Variants in ZNF385D observed in about 807,000 individuals in gnomAD.
ZNF385D encodes zinc finger protein 659.
ZNF385D carries 15 observed loss-of-function variants against 35.8 expected under a neutral mutation model. The ratio of observed to expected loss-of-function variants is 0.42; its 90% CI spans 0.28 to 0.64. The LOEUF is 0.64. Among genes scored for constraint, ZNF385D ranks in the 30% least tolerant of loss-of-function variants. The pLI, the probability that ZNF385D is intolerant of heterozygous loss-of-function variation, is 0.23. For missense variants in ZNF385D, 474 were observed against 494.6 expected (o/e 0.96, Z 0.39); for synonymous variants, 212 against 186.8 (o/e 1.13, Z -1.10).
chr3:22,230,061 T>C lies in ZNF385D; in HGVS notation c.107-61026A>G, dbSNP rs77559985. On this transcript the variant is annotated intron_variant, in intron 2 of 5. Coordinates refer to the ZNF385D transcript ENST00000494108. ...ATCTTGATAGACTTAGATAATCTTC[T>C]GTGCCCAGTAAAAATCCTTGTTAGT... Among the ~76,000 whole-genome samples, 810 of 152,300 alleles carry C rather than the reference T, an allele frequency of 5.3e-3. 5 individuals carry two copies. The highest frequency in any genetic ancestry group is 0.018 in the African/African-American group (763 of 41,564).
chr3:21,658,346 G>T (rs2066134896), intron 2 of ZNF385D, among the ~76,000 whole-genome samples: 1 of 151,968 alleles, frequency 6.6e-6, no homozygotes, highest in South Asian at 2.1e-4. Context: ...GCAAATTAAG[G>T]AGATGACTCG....
At chr3:21,985,818 A>G (rs796811200) in intron 3 of ZNF385D, among the ~76,000 whole-genome samples, 15 of 109,604 alleles carry the variant, frequency 1.4e-4, no homozygotes, top group South Asian at 3.5e-4. Flanking sequence ...TGGTTGGTAA[A>G]CTATTGATTA....
intron 2 of ZNF385D, among the ~76,000 whole-genome samples, chr3:21,653,303 T>C (rs1335863311): frequency 6.6e-6 from 1 of 152,124 alleles, no homozygotes; most frequent in African/African-American, 2.4e-5. Flanking sequence ...TATATATATG[T>C]CTATATATGT....
intron 1 of ZNF385D, among the ~76,000 whole-genome samples, chr3:21,693,437 C>G (rs2067349885): frequency 6.6e-6 from 1 of 152,162 alleles, no homozygotes; most frequent in Non-Finnish European, 1.5e-5. Flanking sequence ...GAAACACTTA[C>G]AGTATAGACC....
intron 3 of ZNF385D, among the ~76,000 whole-genome samples, chr3:22,084,111 C>G (rs1313214383): frequency 6.6e-6 from 1 of 152,196 alleles, no homozygotes; most frequent in Non-Finnish European, 1.5e-5. Context: ...ACAACCAGTA[C>G]CAGCCACTGC....
At chr3:22,252,422 G>C (rs1700108933) in intron 2 of ZNF385D, among the ~76,000 whole-genome samples, 1 of 152,066 alleles carries the variant, frequency 6.6e-6, no homozygotes, top group African/African-American at 2.4e-5. Context: ...CTTCTGATAA[G>C]TTACAGTCTT....
At chr3:21,562,139 A>C (rs1223791622) in intron 3 of ZNF385D, 1 of 152,172 alleles carries the variant, frequency 6.6e-6, no homozygotes, top group Admixed American at 6.6e-5. Context: ...TGTCCCTAAT[A>C]AATACATATT....
chr3:21,722,760 C>T lies in ZNF385D; in HGVS notation c.22+28135G>A, dbSNP rs558000194. Among the ~76,000 whole-genome samples, 221 of 152,278 alleles carry T rather than the reference C, an allele frequency of 1.5e-3. 1 individual carries two copies. The highest frequency in any genetic ancestry group is 2.5e-3 in the Non-Finnish European group (169 of 68,030). On this transcript the variant is annotated intron_variant, in intron 1 of 7. Transcript: ENST00000281523. ...CCATGTTTCAAACCAATTTTGAAGC[C>T]TGCTGGCACCAAACAAAGGTCCTAG...
chr3:21,722,054 C>A (rs1428347414), intron 1 of ZNF385D, among the ~76,000 whole-genome samples: 1 of 145,808 alleles, frequency 6.9e-6, no homozygotes, highest in Non-Finnish European at 1.5e-5. Context: ...GAGCCAAGAT[C>A]GTGCCACTGC....
chr3:22,204,482 C>G (rs1013212122), intron 2 of ZNF385D, among the ~76,000 whole-genome samples: 12 of 151,888 alleles, frequency 7.9e-5, no homozygotes, highest in African/African-American at 2.7e-4. Flanking sequence ...TCAAGAGCAT[C>G]GAGAAAAACA....
intron 3 of ZNF385D, among the ~76,000 whole-genome samples, chr3:22,131,012 G>A (rs553575781): frequency 6.6e-6 from 1 of 152,234 alleles, no homozygotes; most frequent in East Asian, 1.9e-4. Flanking sequence ...TGAGAATCAT[G>A]CATGCTTAGA....
chr3:21,946,023 C>T (rs1701765157), intron 3 of ZNF385D, among the ~76,000 whole-genome samples: 2 of 152,130 alleles, frequency 1.3e-5, no homozygotes, highest in Admixed American at 1.3e-4. Context: ...ATGCAGTGTG[C>T]ATATTCACAT....
At chr3:22,154,586 G>A (rs908251999) in intron 3 of ZNF385D, among the ~76,000 whole-genome samples, 9 of 152,156 alleles carry the variant, frequency 5.9e-5, no homozygotes, top group Admixed American at 1.3e-4. Flanking sequence ...AGTCCTAAAT[G>A]AGGTATGAGC....
chr3:22,027,703 G>C (rs964001239), intron 3 of ZNF385D, among the ~76,000 whole-genome samples: 1 of 152,130 alleles, frequency 6.6e-6, no homozygotes, highest in Non-Finnish European at 1.5e-5. Context: ...TCATCAAATA[G>C]AAGTGGTATA....
chr3:22,313,814 C>T (rs1472044602), intron 2 of ZNF385D, among the ~76,000 whole-genome samples: 1 of 152,164 alleles, frequency 6.6e-6, no homozygotes, highest in Non-Finnish European at 1.5e-5. Context: ...TCCTTCATAA[C>T]TAAAAACTCC....
At chr3:22,300,527 T>A (rs1414012854) in intron 2 of ZNF385D, among the ~76,000 whole-genome samples, 1 of 151,886 alleles carries the variant, frequency 6.6e-6, no homozygotes, top group Non-Finnish European at 1.5e-5. Flanking sequence ...CAGAATAATC[T>A]GCAAACTATT....
intron 3 of ZNF385D, among the ~76,000 whole-genome samples, chr3:21,832,623 A>G (rs930002546): frequency 6.6e-6 from 1 of 152,182 alleles, no homozygotes; most frequent in Admixed American, 6.5e-5. Flanking sequence ...TGAAATTTGC[A>G]TTATTCAACT....
chr3:22,100,321 TCC>T (rs1389141415), intron 3 of ZNF385D, among the ~76,000 whole-genome samples: 1 of 144,896 alleles, frequency 6.9e-6, no homozygotes, highest in Non-Finnish European at 1.5e-5. Flanking sequence ...GACCCAGCCA[TCC>T]CATTACTGGG....
In ZNF385D at chr3:21,665,001, G is replaced by A. The variant is rs777345108; in HGVS notation, c.50C>T (p.Pro17Leu). ...AGGGGCTGGTGGACGGACAAGGGCCGGGAGAGCAGGACTCTGGCATGTACC... is the reference window on the plus strand; with the variant it reads ...AGGGGCTGGTGGACGGACAAGGGCCAGGAGAGCAGGACTCTGGCATGTACC... ...FGGTCQSPAL[P>L]ALVRPPAPPL... Residue 17 changes from proline to leucine, a missense_variant, in exon 2 of 8, where the codon CCG becomes CTG. Pro to Leu is a moderately conservative substitution (Grantham distance 98). Transcript: ENST00000281523. 1.9e-5 allele frequency: 31 copies of A among 1,612,488 alleles called. No individual in the cohort carries two copies. Among genetic ancestry groups the A allele is most frequent in the Admixed American group, 1.0e-4 (6 of 59,890 alleles).
Sources: gnomAD v4.1 joint callset for allele counts (sites outside exome capture counted in the v4.1 genomes callset) on GRCh38, gnomAD v4.1.1 for gene constraint, MANE v1.5 for transcripts, NCBI Gene and HGNC (gene_info 2026-07-23, HGNC 2026-07-21) for gene names.